The following ANTXRL variants were observed in gnomAD, a reference collection of about 807,000 sequenced individuals.
ANTXRL encodes anthrax toxin receptor-like.
Under a neutral mutation model 75.4 loss-of-function variants are expected in ANTXRL, and 63 were observed. The observed-to-expected ratio is 0.84, with a 90% CI of 0.68 to 1.03. The LOEUF is 1.03. ANTXRL is among the 50% of genes least tolerant of loss of function. ANTXRL has a pLI of 0.00. For synonymous variants in ANTXRL, 335 were observed against 291.3 expected (o/e 1.15, Z -1.53); for missense variants, 797 against 789.4 (o/e 1.01, Z -0.12).
At chr10:46,299,501 G>A (rs1314125354) in intron 9 of ANTXRL, among the ~76,000 whole-genome samples, 6 of 152,072 alleles carry the variant, frequency 3.9e-5, no homozygotes, top group African/African-American at 4.8e-5. Flanking sequence ...GCACAACTGC[G>A]GCTGCTGGAG....
Position 46,296,010 on chromosome 10 carries a change from T to A in ANTXRL, c.393-9T>A. The A allele has an allele frequency of 6.5e-7, 1 of 1,535,318 alleles. No individual in the cohort carries two copies. The highest frequency in any genetic ancestry group is 8.7e-7 in the Non-Finnish European group (1 of 1,146,278). ...TTCCAGGTCAACCACCTTTTTAAATTTTTTTCAGGAATAGAATAAAAAACG... is the reference window on the plus strand; with the variant it reads ...TTCCAGGTCAACCACCTTTTTAAATATTTTTCAGGAATAGAATAAAAAACG... On this transcript the variant is annotated splice_polypyrimidine_tract_variant and intron_variant, in intron 3 of 16. Transcript: ENST00000620264.
At chr10:46,292,923 G>A (rs1265399855) in intron 2 of ANTXRL, 1 of 152,844 alleles carries the variant, frequency 6.5e-6, no homozygotes, top group East Asian at 1.9e-4. Flanking sequence ...GGGTCAGGGA[G>A]AGGAAGGGGA....
upstream of ANTXRL, among the ~76,000 whole-genome samples, chr10:46,286,749 C>T (rs1196775176): frequency 6.6e-6 from 1 of 152,142 alleles, no homozygotes; most frequent in Non-Finnish European, 1.5e-5. Flanking sequence ...AACACTCTGG[C>T]CTCCCAGTCC....
chr10:46,329,806 A>T lies in ANTXRL; in HGVS notation c.1618A>T (p.Ser540Cys). 6.5e-7 allele frequency: 1 copy of T among 1,532,794 alleles called. No individual in the cohort carries two copies. The highest frequency in any genetic ancestry group is 8.7e-7 in the Non-Finnish European group (1 of 1,146,130). The allele number at this position is 1,532,794 out of a possible 1,614,324, so 94.9% of individuals were successfully genotyped here. ...CATCTGCCTGAGACACAGCCAACAC[A>T]GCAGGGAGTGCCTTGCCCGCAAACA... ...PNICLRHSQH[S>C]RECLARKQAP... is the part of the protein sequence containing the mutation. The change falls in exon 17 of 17, where the codon AGC becomes TGC. Residue 540 changes from serine (S) to cysteine (C), a missense_variant. Around this residue, in one of 3 missense-constraint regions of ANTXRL, gnomAD observed 479 missense variants for 422.0 expected, o/e 1.14. Coordinates refer to ENST00000620264, the MANE Select transcript of ANTXRL (RefSeq NM_001278688.3).
In ANTXRL at chr10:46,297,447, G is replaced by C. The variant is rs1444898551; in HGVS notation, c.627G>C (p.Leu209=). The C allele has an allele frequency of 1.3e-6, 2 of 1,535,716 alleles. No homozygotes were observed. The highest frequency in any genetic ancestry group is 2.4e-5 in the South Asian group (2 of 84,050). ...ARKLGANVYT[L]GVADYNLDQI... The stretch of plus-strand genomic sequence containing the variant: ...AACTGGGGGCCAACGTTTACACCCT[G>C]GGTGTGGCTGATTATAATCTGGATC... The change falls in exon 7 of 17, where the codon CTG becomes CTC. Residue 209 remains leucine, a synonymous_variant. Transcript: ENST00000620264.
chr10:46,297,225 G>A (rs1554959024), intron 5 of ANTXRL, 27 bp from the exon 6 acceptor site: 12 of 1,530,994 alleles, frequency 7.8e-6, no homozygotes, highest in Non-Finnish European at 1.1e-5. Flanking sequence ...CCTTTGCTGA[G>A]CAGGCCACTC....
chr10:46,314,869 C>T lies in ANTXRL; in HGVS notation c.1410+1553C>T, dbSNP rs142746953. Among the ~76,000 whole-genome samples the T allele has an allele frequency of 9.2e-5, 14 of 152,244 alleles. 1 individual carries two copies. The highest frequency in any genetic ancestry group is 3.1e-4 in the African/African-American group (13 of 41,520). On this transcript the variant is annotated intron_variant, in intron 16 of 16. Coordinates refer to ENST00000620264, the MANE Select transcript of ANTXRL (RefSeq NM_001278688.3). ...CCTCCAGGCTATCAGAAATCAACCCCAGATCTGTCCCTAACCCAGGGAGGC... is the reference window on the plus strand; with the variant it reads ...CCTCCAGGCTATCAGAAATCAACCCTAGATCTGTCCCTAACCCAGGGAGGC...
chr10:46,314,957 C>A (rs576128493), intron 16 of ANTXRL, among the ~76,000 whole-genome samples: 12 of 152,256 alleles, frequency 7.9e-5, no homozygotes, highest in African/African-American at 2.9e-4. Context: ...CTAATTTGAC[C>A]TTGTGCTTCC....
intron 10 of ANTXRL, among the ~76,000 whole-genome samples, chr10:46,304,500 C>T (rs1175656241): frequency 6.6e-6 from 1 of 152,062 alleles, no homozygotes; most frequent in Non-Finnish European, 1.5e-5. Flanking sequence ...GCACATGTTC[C>T]TGTAGAAGTA....
chr10:46,302,397 A>C (rs1212935526), intron 9 of ANTXRL, among the ~76,000 whole-genome samples: 1 of 152,088 alleles, frequency 6.6e-6, no homozygotes, highest in Non-Finnish European at 1.5e-5. Flanking sequence ...GGGCCGAGGG[A>C]GCACCACAGA....
chr10:46,297,256 G>T lies in ANTXRL; in HGVS notation c.513G>T (p.Lys171Asn), dbSNP rs1227720311. 5.2e-6 allele frequency: 8 copies of T among 1,536,396 alleles called. No homozygotes were observed. The highest frequency in any genetic ancestry group is 7.0e-6 in the Non-Finnish European group (8 of 1,146,806). ...QQIESFNSGN[K>N]VPSMIIAMTD... ...CACTCTTTGCTTCTTCTACAGACAA[G>T]GTTCCCAGCATGATTATTGCTATGA... The change falls in exon 6 of 17, where the codon AAG (lysine) becomes AAT (asparagine). Residue 171 changes from lysine (K) to asparagine (N), a missense_variant. Around this residue, in one of 3 missense-constraint regions of ANTXRL, gnomAD observed 262 missense variants for 271.9 expected, o/e 0.96. Coordinates refer to ENST00000620264, the MANE Select transcript of ANTXRL (RefSeq NM_001278688.3).
rs559845097 is a variant in ANTXRL at position 46,296,966 on chromosome 10, C to G, written c.509-286C>G. ...GCCCTCAGGCAGAGGTGGTGCAGGT[C>G]GCTAGTGGGTGAGGGTTCAGGCAGC... On this transcript the variant is annotated intron_variant, in intron 5 of 16. Transcript: ENST00000620264. Among the ~76,000 whole-genome samples the G allele has an allele frequency of 5.9e-5, 9 of 152,250 alleles. No homozygotes were observed. In the East Asian group the frequency reaches 1.7e-3, roughly 29 times the overall value.
chr10:46,318,706 C>G (rs972458500), intron 16 of ANTXRL, among the ~76,000 whole-genome samples: 3 of 152,098 alleles, frequency 2.0e-5, no homozygotes, highest in Non-Finnish European at 4.4e-5. Flanking sequence ...CTGGTACTGA[C>G]AGTGTGTATG....
intron 2 of ANTXRL, among the ~76,000 whole-genome samples, chr10:46,293,397 T>A (rs1182890807): frequency 7.2e-6 from 1 of 138,158 alleles, no homozygotes; most frequent in Non-Finnish European, 1.6e-5. Flanking sequence ...TGCCTGTGTG[T>A]GTGAGTGTGT....
intron 10 of ANTXRL, among the ~76,000 whole-genome samples, chr10:46,304,111 T>C (rs1422363351): frequency 6.6e-6 from 1 of 152,274 alleles, no homozygotes; most frequent in East Asian, 1.9e-4. Context: ...TTATACTTTC[T>C]TGGAACTGTC....
chr10:46,297,789 C>T, intron 7 of ANTXRL, 42 bp from the exon 8 acceptor site: 2 of 1,509,660 alleles, frequency 1.3e-6, no homozygotes, highest in South Asian at 1.2e-5. Context: ...GCTGCATCCT[C>T]ACCTCCTGGT....
intron 10 of ANTXRL, among the ~76,000 whole-genome samples, chr10:46,304,833 G>A (rs1285191699): frequency 7.9e-5 from 12 of 152,052 alleles, no homozygotes; most frequent in Non-Finnish European, 1.5e-5. Flanking sequence ...CCTGGGAAAG[G>A]GGGTACCCAG....
chr10:46,304,331 G>A (rs772267316), intron 10 of ANTXRL, among the ~76,000 whole-genome samples: 7 of 152,172 alleles, frequency 4.6e-5, no homozygotes, highest in Non-Finnish European at 7.3e-5. Context: ...CACTGGGAAT[G>A]TGTGTGCCAT....
intron 3 of ANTXRL, 143 bp downstream of exon 3, chr10:46,294,043 C>T (rs1487824878): frequency 2.8e-6 from 2 of 702,074 alleles, no homozygotes; most frequent in Non-Finnish European, 2.3e-6. Flanking sequence ...ACAGTACCCA[C>T]CTGACCTTAG....
Sources: allele counts gnomAD v4.1 joint callset (sites outside exome capture counted in the v4.1 genomes callset), GRCh38; gene constraint gnomAD v4.1.1; regional missense constraint gnomAD v4.1.1; transcripts MANE v1.5; gene names NCBI Gene and HGNC (gene_info 2026-07-23, HGNC 2026-07-21).